Variants in ZEB1 observed in about 807,000 individuals in gnomAD.
ZEB1 encodes zinc finger E-box binding homeobox 1.
A neutral mutation model predicts 84.9 loss-of-function variants in ZEB1; 21 were observed. The observed-to-expected ratio is 0.25, with a 90% confidence interval of 0.18 to 0.36. The LOEUF (loss-of-function observed/expected upper bound fraction) is 0.36, where lower values mean the gene tolerates loss of function less well. Ranked by LOEUF, ZEB1 falls within the 10% of genes least tolerant of loss-of-function variation. The pLI is 1.00. For missense variants in ZEB1, 1,104 were observed against 1,330.2 expected, an observed-to-expected ratio of 0.83 and a Z score of 2.65; for synonymous variants, 420 against 471.1, an observed-to-expected ratio of 0.89 and a Z score of 1.41.
rs2073714786 is a variant in ZEB1, at chr10:31,527,452, C to CAA, written c.*191_*192dup. 8 of 682,876 alleles carry CAA rather than the reference C, an allele frequency of 1.2e-5. No individual in the cohort carries two copies. Among genetic ancestry groups the CAA allele is most frequent in the South Asian group, 2.1e-5 (1 of 47,466 alleles). The allele number at this position is 682,876 out of a possible 1,614,324, so 42.3% of individuals were successfully genotyped here. On this transcript the variant is annotated 3_prime_UTR_variant, in exon 9 of 9. Coordinates refer to ENST00000424869, the MANE Select transcript of ZEB1 (RefSeq NM_001174096.2). ...ACACACACACACACACACACACACA[C>CAA]AAAATAAATCCGGGTGTGCCTGAAC... is the stretch of plus-strand genomic sequence containing the variant.
intron 1 of ZEB1, among the ~76,000 whole-genome samples, chr10:31,346,386 C>T (rs1437791512): frequency 6.6e-6 from 1 of 152,084 alleles, no homozygotes; most frequent in East Asian, 1.9e-4. Flanking sequence ...AAACTTTAGA[C>T]CCAAAATAAA....
At chr10:31,426,682 T>C (rs1158121672) in intron 1 of ZEB1, among the ~76,000 whole-genome samples, 1 of 152,200 alleles carries the variant, frequency 6.6e-6, no homozygotes, top group Non-Finnish European at 1.5e-5. Context: ...TAGTGCCAGA[T>C]TGTATAGTGC....
intron 1 of ZEB1, among the ~76,000 whole-genome samples, chr10:31,388,388 C>G (rs1209518828): frequency 6.6e-6 from 1 of 152,036 alleles, no homozygotes; most frequent in East Asian, 1.9e-4. Flanking sequence ...GGGGAGTAAT[C>G]TGCTGATTTT....
intron 1 of ZEB1, among the ~76,000 whole-genome samples, chr10:31,339,973 A>G (rs544026911): frequency 2.0e-5 from 3 of 152,256 alleles, no homozygotes; most frequent in Non-Finnish European, 2.9e-5. Flanking sequence ...AGATAAATCC[A>G]TATCAACACA....
chr10:31,440,227 G>T (rs1455113273), intron 1 of ZEB1, among the ~76,000 whole-genome samples: 1 of 152,146 alleles, frequency 6.6e-6, no homozygotes, highest in African/African-American at 2.4e-5. Context: ...AGAAGACTGA[G>T]AGACCAGGAA....
At chr10:31,320,862 C>G (rs923584327) in intron 1 of ZEB1, among the ~76,000 whole-genome samples, 11 of 152,096 alleles carry the variant, frequency 7.2e-5, no homozygotes, top group Non-Finnish European at 1.6e-4. Flanking sequence ...GAGAGCAGCC[C>G]CCGCCTGCGC....
chr10:31,448,968 T>A (rs1402273145), intron 1 of ZEB1, among the ~76,000 whole-genome samples: 1 of 152,236 alleles, frequency 6.6e-6, no homozygotes, highest in Non-Finnish European at 1.5e-5. Flanking sequence ...GCTGCTTTGT[T>A]TACCTAATCA....
intron 2 of ZEB1, among the ~76,000 whole-genome samples, chr10:31,485,389 C>T (rs774394314): frequency 1.3e-5 from 2 of 151,780 alleles, no homozygotes; most frequent in Non-Finnish European, 2.9e-5. Flanking sequence ...ACTCACGGAC[C>T]CAGTAGAGCC....
intron 1 of ZEB1, among the ~76,000 whole-genome samples, chr10:31,329,264 C>G (rs1404958493): frequency 6.6e-6 from 1 of 152,212 alleles, no homozygotes; most frequent in Non-Finnish European, 1.5e-5. Flanking sequence ...TCTAGAGTTT[C>G]ATATAAACCG....
chr10:31,493,053 G>C (rs1382895653), intron 2 of ZEB1, among the ~76,000 whole-genome samples: 1 of 151,820 alleles, frequency 6.6e-6, no homozygotes, highest in Non-Finnish European at 1.5e-5. Context: ...CATTGATACA[G>C]TCAAGATACA....
chr10:31,339,999 T>C (rs1311100066), intron 1 of ZEB1, among the ~76,000 whole-genome samples: 2 of 152,280 alleles, frequency 1.3e-5, no homozygotes, highest in East Asian at 3.9e-4. Context: ...GGAGAACAAA[T>C]TATACCCCTG....
At chr10:31,371,593 A>G (rs781252592) in intron 1 of ZEB1, among the ~76,000 whole-genome samples, 1 of 152,134 alleles carries the variant, frequency 6.6e-6, no homozygotes. Context: ...AACTGCCTCA[A>G]TGTGCTTGTT....
intron 2 of ZEB1, among the ~76,000 whole-genome samples, chr10:31,491,421 A>G (rs2066504891): frequency 6.6e-6 from 1 of 151,848 alleles, no homozygotes; most frequent in Non-Finnish European, 1.5e-5. Context: ...GAAGGAGAAA[A>G]GGGCAATTTT....
At chr10:31,523,150 T>C (rs889489587) in intron 7 of ZEB1, among the ~76,000 whole-genome samples, 1 of 152,210 alleles carries the variant, frequency 6.6e-6, no homozygotes, top group African/African-American at 2.4e-5. Context: ...ATGTGTGGGT[T>C]TGAGGCAATG....
At chr10:31,444,785 G>A (rs2059543319) in intron 1 of ZEB1, among the ~76,000 whole-genome samples, 1 of 151,310 alleles carries the variant, frequency 6.6e-6, no homozygotes, top group Non-Finnish European at 1.5e-5. Flanking sequence ...CTCTGTTTTG[G>A]TACCAGTACC....
chr10:31,515,369 G>A (rs1031180612), intron 6 of ZEB1, among the ~76,000 whole-genome samples: 1 of 152,022 alleles, frequency 6.6e-6, no homozygotes, highest in African/African-American at 2.4e-5. Context: ...TTGAACAAAA[G>A]CGCAAAAGGA....
intron 2 of ZEB1, among the ~76,000 whole-genome samples, chr10:31,476,534 A>G (rs2064218397): frequency 1.3e-5 from 2 of 152,186 alleles, no homozygotes; most frequent in South Asian, 2.1e-4. Flanking sequence ...TGCCTTATCT[A>G]CAAAGGAGAG....
At chr10:31,426,758 T>A (rs866576711) in intron 1 of ZEB1, among the ~76,000 whole-genome samples, 45 of 152,198 alleles carry the variant, frequency 3.0e-4, no homozygotes, top group African/African-American at 1.1e-3. Flanking sequence ...CTCTCATAGG[T>A]GAGCCTCTAC....
At chr10:31,412,051 T>C (rs1189189670) in intron 1 of ZEB1, among the ~76,000 whole-genome samples, 1 of 152,190 alleles carries the variant, frequency 6.6e-6, no homozygotes, top group Non-Finnish European at 1.5e-5. Flanking sequence ...AGCACAATTG[T>C]AAAAAGGATG....
Sources: allele counts gnomAD v4.1 joint callset (sites outside exome capture counted in the v4.1 genomes callset), GRCh38; gene constraint gnomAD v4.1.1; transcripts MANE v1.5; gene names NCBI Gene and HGNC (gene_info 2026-07-23, HGNC 2026-07-21).